Variants in DHX35 observed in about 807,000 individuals in gnomAD.
DHX35 encodes probable ATP-dependent RNA helicase DHX35.
Under a neutral mutation model 99.6 loss-of-function variants are expected in DHX35, and 84 were observed. That is an observed-to-expected ratio of 0.84 (90% CI 0.71 to 1.01). The LOEUF is 1.01. Among genes scored for constraint, DHX35 ranks in the 50% least tolerant of loss-of-function variants. DHX35 has a pLI of 0.00. For synonymous variants in DHX35, 331 were observed against 316.2 expected (o/e 1.05, Z -0.50); for missense variants, 852 against 888.5 (o/e 0.96, Z 0.52).
At chr20:39,024,173 C>A (rs1391412181) in intron 17 of DHX35, among the ~76,000 whole-genome samples, 3 of 152,230 alleles carry the variant, frequency 2.0e-5, no homozygotes, top group Non-Finnish European at 2.9e-5. Flanking sequence ...GCTGTCCCAG[C>A]TGCCATGAGA....
At chr20:38,987,219 G>T (rs779635897) in intron 4 of DHX35, among the ~76,000 whole-genome samples, 10 of 152,050 alleles carry the variant, frequency 6.6e-5, no homozygotes, top group Non-Finnish European at 1.3e-4. Flanking sequence ...AGTTTATGTG[G>T]TGGTGAATAC....
chr20:38,976,399 A>G (rs2086077741), intron 3 of DHX35, among the ~76,000 whole-genome samples: 1 of 145,712 alleles, frequency 6.9e-6, no homozygotes, highest in African/African-American at 2.6e-5. Flanking sequence ...ACATCTATAC[A>G]TGTTTTAGTA....
At chr20:39,036,558 T>A (rs1432636864) in intron 21 of DHX35, among the ~76,000 whole-genome samples, 1 of 151,360 alleles carries the variant, frequency 6.6e-6, no homozygotes, top group Non-Finnish European at 1.5e-5. Flanking sequence ...AAACCCCGTC[T>A]CTACTAAAAA....
At chr20:38,994,939 C>T (rs986187068) in intron 8 of DHX35, 59 bp downstream of exon 8, 6 of 1,481,972 alleles carry the variant, frequency 4.0e-6, no homozygotes, top group African/African-American at 1.4e-5. Flanking sequence ...CCTATATATC[C>T]TTGGGAAGTT....
intron 18 of DHX35, among the ~76,000 whole-genome samples, chr20:39,026,346 A>G (rs1222199115): frequency 6.6e-6 from 1 of 152,222 alleles, no homozygotes. Flanking sequence ...ACCTGAGCCC[A>G]GGCGGTTCCA....
intron 12 of DHX35, among the ~76,000 whole-genome samples, chr20:39,007,177 A>G (rs935760668): frequency 1.3e-5 from 2 of 152,024 alleles, no homozygotes; most frequent in East Asian, 1.9e-4. Context: ...TAGCTCTGCC[A>G]TTTGTCTCTT....
At chr20:38,974,642 C>T (rs936320927) in intron 3 of DHX35, among the ~76,000 whole-genome samples, 15 of 151,992 alleles carry the variant, frequency 9.9e-5, no homozygotes, top group Middle Eastern at 3.2e-3. Context: ...AGAGGTCAGA[C>T]GTAGAAGGTG....
chr20:39,027,685 G>A (rs555680059), intron 18 of DHX35, among the ~76,000 whole-genome samples: 4 of 152,096 alleles, frequency 2.6e-5, no homozygotes, highest in South Asian at 2.1e-4. Flanking sequence ...AAGAAACATC[G>A]TTATTTTATG....
At chr20:38,992,457 G>A (rs751526432) in intron 7 of DHX35, 32 bp downstream of exon 7, 50 of 1,607,352 alleles carry the variant, frequency 3.1e-5, no homozygotes, top group Non-Finnish European at 4.2e-5. Flanking sequence ...TTCATTGTGT[G>A]TGTTTATTTT....
chr20:38,983,833 GT>G, intron 4 of DHX35, 57 bp downstream of exon 4: 1 of 1,481,490 alleles, frequency 6.7e-7, no homozygotes, highest in Non-Finnish European at 9.3e-7. Context: ...TTTGTGATTT[GT>G]TTACATTTCC....
rs1038207387 is a variant in DHX35 at position 38,991,331 on chromosome 20, C to T, written c.451-123C>T. 1.9e-5 allele frequency: 14 copies of T among 756,534 alleles called. No individual in the cohort carries two copies. The African/African-American group carries it at 2.2e-4, about 12-fold the overall frequency. The allele number at this position is 756,534 out of a possible 1,614,324, so 46.9% of individuals were successfully genotyped here. A position where few individuals can be genotyped will look rare whatever the true frequency, so the allele number is the denominator to read the frequency against. ...ACGAAAATATGGGGGCATTTTCTCACAGTCCTTTGTGGGAATTTACTTGTA... is the reference window on the plus strand; with the variant it reads ...ACGAAAATATGGGGGCATTTTCTCATAGTCCTTTGTGGGAATTTACTTGTA... On this transcript the variant is annotated intron_variant, in intron 5 of 21. Transcript: ENST00000252011.
chr20:38,966,400 T>C (rs2085911217), intron 1 of DHX35, among the ~76,000 whole-genome samples: 1 of 152,244 alleles, frequency 6.6e-6, no homozygotes, highest in South Asian at 2.1e-4. Flanking sequence ...CTGGGCGTGG[T>C]GGCTCATGCC....
intron 3 of DHX35, among the ~76,000 whole-genome samples, chr20:38,981,410 A>G (rs1658899342): frequency 6.6e-6 from 1 of 152,166 alleles, no homozygotes; most frequent in African/African-American, 2.4e-5. Context: ...ATATGGATTC[A>G]TAGATACTTA....
chr20:38,978,096 C>T (rs942089129), intron 3 of DHX35: 8 of 763,232 alleles, frequency 1.0e-5, no homozygotes, highest in Non-Finnish European at 1.9e-5. Context: ...CACTAATATG[C>T]ACTGGCCCTG....
At chr20:39,020,384 A>G (rs1189336116) in intron 15 of DHX35, among the ~76,000 whole-genome samples, 2 of 152,170 alleles carry the variant, frequency 1.3e-5, no homozygotes, top group Admixed American at 6.6e-5. Context: ...GAGGGTTCCA[A>G]TTTCTTTGAC....
intron 4 of DHX35, among the ~76,000 whole-genome samples, chr20:38,987,113 AG>A (rs2086262089): frequency 6.6e-6 from 1 of 152,190 alleles, no homozygotes; most frequent in South Asian, 2.1e-4. Context: ...CCTGTGAAAG[AG>A]GGAGACTGAA....
intron 15 of DHX35, among the ~76,000 whole-genome samples, chr20:39,020,656 CTTTT>C (rs57246257): frequency 8.6e-5 from 9 of 105,218 alleles, no homozygotes; most frequent in East Asian, 6.2e-4. Context: ...AAACAGGATT[CTTTT>C]TTTTTTTTTT....
rs777347464 is a variant in DHX35, at chr20:39,001,751, C to T, written c.664C>T (p.Gln222Ter). ...TTAGAAATTCCGGGATTTCTTTAAT[C>T]AAAATGAAACCAGTGATCCAGCAAG... ...DADKFRDFFNQNETSDPARDT... is the reference protein window; with the variant it reads ...DADKFRDFFN The change falls in exon 9 of 22, where the codon CAA becomes TAA. Residue 222 changes from glutamine (Q) to a stop codon, truncating the protein, a stop_gained. Coordinates refer to ENST00000252011, the MANE Select transcript of DHX35 (RefSeq NM_021931.4). LOFTEE classifies it high-confidence loss of function. The T allele has an allele frequency of 3.1e-5, 50 of 1,608,206 alleles. No individual in the cohort carries two copies. Among genetic ancestry groups the T allele is most frequent in the Non-Finnish European group, 4.2e-5 (49 of 1,178,100 alleles).
intron 8 of DHX35, among the ~76,000 whole-genome samples, chr20:39,000,259 A>G (rs989844358): frequency 6.6e-6 from 1 of 152,146 alleles, no homozygotes; most frequent in African/African-American, 2.4e-5. Flanking sequence ...TCAGATTGCA[A>G]TCTGCAGCTC....
Sources: allele counts gnomAD v4.1 joint callset (sites outside exome capture counted in the v4.1 genomes callset), GRCh38; gene constraint gnomAD v4.1.1; transcripts MANE v1.5; gene names NCBI Gene and HGNC (gene_info 2026-07-23, HGNC 2026-07-21).